The following PCDHGB7 variants were observed in gnomAD, a reference collection of about 807,000 sequenced individuals.
PCDHGB7 encodes protocadherin gamma subfamily B, 7.
A neutral mutation model predicts 61.4 loss-of-function variants in PCDHGB7; 37 were observed. The observed-to-expected ratio is 0.60, with a 90% CI of 0.46 to 0.79. PCDHGB7 has a LOEUF of 0.79. Ranked by LOEUF, PCDHGB7 falls within the 30% of genes least tolerant of loss-of-function variation. PCDHGB7 has a pLI of 0.00. For synonymous variants in PCDHGB7, 464 were observed against 503.5 expected, an observed-to-expected ratio of 0.92 and a Z score of 1.05; for missense variants, 1,166 against 1,202.5, an observed-to-expected ratio of 0.97 and a Z score of 0.45.
rs1167791830 is a variant in PCDHGB7 at position 141,420,032 on chromosome 5, G to A, written c.2173G>A (p.Asp725Asn). 6.2e-7 allele frequency: 1 copy of A among 1,613,956 alleles called. No individual in the cohort carries two copies. Among genetic ancestry groups the A allele is most frequent in the Non-Finnish European group, 8.5e-7 (1 of 1,179,920 alleles). ...ACAGTCTTTCAGCCCTACTGCAGGA[G>A]ACTGCTTTGAGTCAGTTCTCTGCTC... ...LRQSFSPTAG[D>N]CFESVLCSKS... Residue 725 changes from aspartate (D) to asparagine (N), a missense_variant, in exon 1 of 4, where the codon GAC (aspartate) becomes AAC (asparagine). By Grantham distance (23) the Asp-to-Asn change is conservative. Coordinates refer to ENST00000398594, the MANE Select transcript of PCDHGB7 (RefSeq NM_018927.4).
At chr5:141,457,940 T>G (rs541807221) in intron 1 of PCDHGB7, among the ~76,000 whole-genome samples, 2 of 152,356 alleles carry the variant, frequency 1.3e-5, no homozygotes, top group East Asian at 3.9e-4. Flanking sequence ...TTTTATTGGC[T>G]CTGCATGTCA....
chr5:141,434,948 T>C (rs1486185815), intron 1 of PCDHGB7, among the ~76,000 whole-genome samples: 1 of 151,828 alleles, frequency 6.6e-6, no homozygotes, highest in East Asian at 1.9e-4. Flanking sequence ...ATATAATTTA[T>C]TAACAATTTA....
intron 1 of PCDHGB7, among the ~76,000 whole-genome samples, chr5:141,481,126 A>G (rs2099532217): frequency 6.6e-6 from 1 of 152,222 alleles, no homozygotes. Context: ...CATTTAGCAT[A>G]TTTGTGAAGT....
At chr5:141,461,422 C>A (rs2099015157) in intron 1 of PCDHGB7, among the ~76,000 whole-genome samples, 1 of 151,930 alleles carries the variant, frequency 6.6e-6, no homozygotes, top group African/African-American at 2.4e-5. Flanking sequence ...TGTTTGTGGG[C>A]CATTTGTATA....
In PCDHGB7 at chr5:141,431,375, G is replaced by T. The variant is rs139873616; in HGVS notation, c.2415+11101G>T. ...ACGCGCCCTGGACCGCGAAGAAAAGGCTGCTCACCACCTGGTCCTTACGGC... is the reference window on the plus strand; with the variant it reads ...ACGCGCCCTGGACCGCGAAGAAAAGTCTGCTCACCACCTGGTCCTTACGGC... On this transcript the variant is annotated intron_variant, in intron 1 of 3. Coordinates refer to ENST00000398594, the MANE Select transcript of PCDHGB7 (RefSeq NM_018927.4). This position sits in a 1 kb window ranked among gnomAD's most constrained non-coding sequence, Gnocchi z 4.8. 21 of 1,613,422 alleles carry T rather than the reference G, an allele frequency of 1.3e-5. No homozygotes were observed. The African/African-American group carries it at 2.8e-4, about 21-fold the overall frequency.
At chr5:141,428,021 C>G (rs1185050109) in intron 1 of PCDHGB7, 1 of 1,605,486 alleles carries the variant, frequency 6.2e-7, no homozygotes, top group Admixed American at 1.7e-5. Flanking sequence ...TGCCACGCGC[C>G]GCAGAGTCCG....
intron 1 of PCDHGB7, chr5:141,433,331 C>G: frequency 1.4e-6 from 1 of 699,624 alleles, no homozygotes; most frequent in South Asian, 1.9e-5. Context: ...GTAACAGGGA[C>G]TACAGGTGCA....
At chr5:141,448,143 A>C (rs2098568288) in intron 1 of PCDHGB7, among the ~76,000 whole-genome samples, 1 of 152,012 alleles carries the variant, frequency 6.6e-6, no homozygotes, top group Admixed American at 6.6e-5. Context: ...ACTATACCTC[A>C]GACTCACCCC....
At chr5:141,500,509 G>A (rs1048476645) in intron 2 of PCDHGB7, among the ~76,000 whole-genome samples, 19 of 152,100 alleles carry the variant, frequency 1.2e-4, no homozygotes, top group South Asian at 4.2e-4. Context: ...GCGCCTGGCC[G>A]AGCTTCATTT....
Position 141,494,869 on chromosome 5 carries a change from G to A in PCDHGB7, c.2474+4G>A. 6.2e-7 allele frequency: 1 copy of A among 1,614,144 alleles called. No individual in the cohort carries two copies. Among genetic ancestry groups the A allele is most frequent in the Non-Finnish European group, 8.5e-7 (1 of 1,180,010 alleles). On this transcript the variant is annotated splice_donor_region_variant and intron_variant, in intron 2 of 3. Coordinates refer to ENST00000398594, the MANE Select transcript of PCDHGB7 (RefSeq NM_018927.4). The stretch of plus-strand genomic sequence containing the variant: ...CCCAGAGACCCGGCACCAGCGGGTA[G>A]GTGACTGATTCTCCAGCCCACCCTC...
chr5:141,431,008 C>T lies in PCDHGB7; in HGVS notation c.2415+10734C>T. The T allele has an allele frequency of 6.2e-7, 1 of 1,614,118 alleles. No individual in the cohort carries two copies. The highest frequency in any genetic ancestry group is 1.1e-5 in the South Asian group (1 of 91,076). ...TCGCCCTGAATCCGCGCAGCGGCAG[C>T]TTGGTCACGGCGGGCAGGATAGACC... On this transcript the variant is annotated intron_variant, in intron 1 of 3. Transcript: ENST00000398594. This position sits in a 1 kb window ranked among gnomAD's most constrained non-coding sequence, Gnocchi z 4.8.
At chr5:141,474,964 CATT>C (rs1489874965) in intron 1 of PCDHGB7, among the ~76,000 whole-genome samples, 1 of 152,216 alleles carries the variant, frequency 6.6e-6, no homozygotes, top group Non-Finnish European at 1.5e-5. Context: ...CTATCCTAAT[CATT>C]ATAATTTTGT....
At chr5:141,474,965 A>T (rs1268347441) in intron 1 of PCDHGB7, among the ~76,000 whole-genome samples, 1 of 152,236 alleles carries the variant, frequency 6.6e-6, no homozygotes, top group Non-Finnish European at 1.5e-5. Context: ...TATCCTAATC[A>T]TTATAATTTT....
intron 1 of PCDHGB7, among the ~76,000 whole-genome samples, chr5:141,464,525 A>G (rs919668801): frequency 3.3e-5 from 5 of 152,064 alleles, no homozygotes; most frequent in Non-Finnish European, 5.9e-5. Context: ...AGGCATATGT[A>G]GTTTTGTTAA....
At chr5:141,436,324 G>A (rs972756085) in intron 1 of PCDHGB7, among the ~76,000 whole-genome samples, 10 of 152,134 alleles carry the variant, frequency 6.6e-5, no homozygotes, top group African/African-American at 2.4e-4. Flanking sequence ...AAGACTGTTA[G>A]ACCATATCTC....
intron 1 of PCDHGB7, chr5:141,428,370 C>A: frequency 1.8e-6 from 1 of 540,734 alleles, no homozygotes; most frequent in Non-Finnish European, 3.4e-6. Flanking sequence ...TCGCCTTGCA[C>A]CTGCGATGCT....
intron 1 of PCDHGB7, among the ~76,000 whole-genome samples, chr5:141,463,797 T>C (rs58523023): frequency 0.28 from 42,459 of 152,012 alleles, 6,656 homozygotes; most frequent in African/African-American, 0.43. Flanking sequence ...TGAACAAATG[T>C]CTAAAAGCTT....
At chr5:141,422,219 C>T in intron 1 of PCDHGB7, 1 of 1,564,678 alleles carries the variant, frequency 6.4e-7, no homozygotes, top group Non-Finnish European at 8.6e-7. Context: ...CTCTTTACCA[C>T]CACGACGATG....
intron 1 of PCDHGB7, among the ~76,000 whole-genome samples, chr5:141,439,431 G>A (rs2154558488): frequency 6.6e-6 from 1 of 152,298 alleles, no homozygotes; most frequent in Non-Finnish European, 1.5e-5. Flanking sequence ...AAATTCCCAG[G>A]AATATTTTAT....
Sources: allele counts gnomAD v4.1 joint callset (sites outside exome capture counted in the v4.1 genomes callset), GRCh38; gene constraint gnomAD v4.1.1; non-coding constraint Gnocchi (gnomAD v3.1); transcripts MANE v1.5; gene names NCBI Gene and HGNC (gene_info 2026-07-23, HGNC 2026-07-21).